Variants in BAZ1B observed in about 807,000 individuals in gnomAD.
BAZ1B encodes the protein bromodomain adjacent to zinc finger domain 1B, also known as tyrosine-protein kinase BAZ1B.
Under a neutral mutation model 153.8 loss-of-function variants are expected in BAZ1B, and 22 were observed. The observed-to-expected ratio is 0.14, with a 90% CI of 0.10 to 0.20. BAZ1B has a LOEUF of 0.20. Among genes scored for constraint, BAZ1B ranks in the 10% least tolerant of loss-of-function variants. The probability of loss-of-function intolerance (pLI) is 1.00; values close to 1 mark genes in which losing one functional copy is unlikely to be tolerated. For missense variants in BAZ1B, 1,325 were observed against 1,799.3 expected (o/e 0.74, Z 4.77); for synonymous variants, 676 against 633.4 (o/e 1.07, Z -1.01).
rs781876065 is a variant in BAZ1B at position 73,521,967 on chromosome 7, G to C, written c.-34C>G. 35 of 1,383,516 alleles carry C rather than the reference G, an allele frequency of 2.5e-5. No individual in the cohort carries two copies. The Admixed American group carries it at 7.7e-4, about 30-fold the overall frequency. 85.7% of individuals were successfully genotyped at this position (1,383,516 alleles called of 1,614,324 possible). On this transcript the variant is annotated 5_prime_UTR_variant, in exon 1 of 20. Transcript: ENST00000339594. Reference sequence around the variant, plus strand: ...CGGCGGTGGGGACTGGCGGCTGCTGGGGCCGGCCCCGCGGCGCAGCACTAG... The same window carrying C: ...CGGCGGTGGGGACTGGCGGCTGCTGCGGCCGGCCCCGCGGCGCAGCACTAG...
chr7:73,470,999 T>C (rs944074043), intron 7 of BAZ1B, among the ~76,000 whole-genome samples: 1 of 152,212 alleles, frequency 6.6e-6, no homozygotes, highest in Admixed American at 6.5e-5. Flanking sequence ...CCCCTCAAAG[T>C]GCTGGGATTA....
At chr7:73,452,926 C>G (rs533462670) in intron 13 of BAZ1B, among the ~76,000 whole-genome samples, 1 of 152,178 alleles carries the variant, frequency 6.6e-6, no homozygotes, top group South Asian at 2.1e-4. Flanking sequence ...TCAAACAAAA[C>G]CCAGGATTTT....
intron 13 of BAZ1B, among the ~76,000 whole-genome samples, chr7:73,452,729 A>G (rs1788064744): frequency 6.6e-6 from 1 of 151,790 alleles, no homozygotes; most frequent in Non-Finnish European, 1.5e-5. Flanking sequence ...CTCGAGAAAA[A>G]AAAAAAAAAA....
intron 1 of BAZ1B, among the ~76,000 whole-genome samples, chr7:73,521,294 C>T (rs529919927): frequency 1.9e-4 from 29 of 152,224 alleles, no homozygotes; most frequent in East Asian, 5.8e-4. Context: ...GGCCTAAAGT[C>T]CCCTCGGGAG....
intron 1 of BAZ1B, among the ~76,000 whole-genome samples, chr7:73,516,136 G>C (rs1316978920): frequency 1.3e-5 from 2 of 152,114 alleles, no homozygotes; most frequent in South Asian, 2.1e-4. Context: ...TACAGAGCGA[G>C]ACTCCACTCA....
chr7:73,466,512 C>T (rs1482853413), intron 9 of BAZ1B, 111 bp from the exon 10 acceptor site: 4 of 651,552 alleles, frequency 6.1e-6, no homozygotes, highest in Non-Finnish European at 1.1e-5. Flanking sequence ...ACAGATACTT[C>T]CTGTGAAATA....
chr7:73,447,467 T>C, intron 15 of BAZ1B, 88 bp from the exon 16 acceptor site: 1 of 1,441,252 alleles, frequency 6.9e-7, no homozygotes. Flanking sequence ...ATCAGGAAAC[T>C]TCTCTTCACA....
rs77135717 is a variant in BAZ1B at position 73,477,617 on chromosome 7, T to C, written c.1844A>G (p.Glu615Gly). The change falls in exon 7 of 20, where the codon GAA becomes GGA. Residue 615 changes from glutamate (E) to glycine (G), a missense_variant. By Grantham distance (98) the Glu-to-Gly change is moderately conservative. Transcript: ENST00000339594. This position sits in a 1 kb window ranked among gnomAD's most constrained non-coding sequence, Gnocchi z 5.6. Reference sequence around the variant, plus strand: ...TAGCCCAGAATAACAGCTCAAGAATTCCACCACCATGGCCACATCCCCAAA... The same window carrying C: ...TAGCCCAGAATAACAGCTCAAGAATCCCACCACCATGGCCACATCCCCAAA... ...TLFGDVAMVV[E>G]FLSCYSGLLL... 6.2e-7 allele frequency: 1 copy of C among 1,614,136 alleles called. No homozygotes were observed. The highest frequency in any genetic ancestry group is 8.5e-7 in the Non-Finnish European group (1 of 1,180,026).
chr7:73,504,149 T>C (rs1790240549), intron 3 of BAZ1B, among the ~76,000 whole-genome samples: 1 of 152,204 alleles, frequency 6.6e-6, no homozygotes, highest in African/African-American at 2.4e-5. Flanking sequence ...GCCCCTTTAT[T>C]AAACTCAATT....
At chr7:73,502,673 G>A (rs989245840) in intron 3 of BAZ1B, among the ~76,000 whole-genome samples, 5 of 152,144 alleles carry the variant, frequency 3.3e-5, no homozygotes, top group Admixed American at 2.6e-4. Flanking sequence ...AGCTACTTGG[G>A]AGATTGAGGT....
intron 6 of BAZ1B, among the ~76,000 whole-genome samples, chr7:73,483,064 C>T (rs1789262008): frequency 6.6e-6 from 1 of 152,192 alleles, no homozygotes; most frequent in Non-Finnish European, 1.5e-5. Flanking sequence ...GAAGAAAGGA[C>T]ACCTGGATTA....
intron 17 of BAZ1B, 81 bp from the exon 18 acceptor site, chr7:73,442,909 C>T: frequency 1.9e-6 from 2 of 1,047,206 alleles, no homozygotes; most frequent in Non-Finnish European, 2.8e-6. Flanking sequence ...AGTGTATCTG[C>T]TCAAAAAAGG....
At chr7:73,508,592 C>T (rs919663462) in intron 2 of BAZ1B, 121 bp from the exon 3 acceptor site, 1 of 1,211,762 alleles carries the variant, frequency 8.3e-7, no homozygotes, top group Non-Finnish European at 1.1e-6. Context: ...ATCGCTCTGT[C>T]ACCAAGGCTG....
At chr7:73,462,667 A>C in intron 12 of BAZ1B, 2 of 455,466 alleles carry the variant, frequency 4.4e-6, no homozygotes, top group Non-Finnish European at 4.0e-6. Context: ...ACCAGTTTTC[A>C]TTCACCTTAG....
At chr7:73,480,600 T>C (rs546581217) in intron 6 of BAZ1B, among the ~76,000 whole-genome samples, 2 of 152,324 alleles carry the variant, frequency 1.3e-5, no homozygotes, top group African/African-American at 4.8e-5. Flanking sequence ...TTGATTTTTA[T>C]TACCAAAATC....
chr7:73,448,424 G>C (rs1554567170), intron 15 of BAZ1B, among the ~76,000 whole-genome samples: 1 of 152,136 alleles, frequency 6.6e-6, no homozygotes, highest in Non-Finnish European at 1.5e-5. Flanking sequence ...ACAAGGCCCG[G>C]TATTTGGCCT....
chr7:73,453,742 T>C (rs983367339), intron 13 of BAZ1B, among the ~76,000 whole-genome samples: 1 of 152,212 alleles, frequency 6.6e-6, no homozygotes, highest in Non-Finnish European at 1.5e-5. Flanking sequence ...CCTAGCACTC[T>C]GGGAGGCCAA....
intron 12 of BAZ1B, among the ~76,000 whole-genome samples, chr7:73,460,439 C>T (rs1788357861): frequency 6.6e-6 from 1 of 151,954 alleles, no homozygotes; most frequent in African/African-American, 2.4e-5. Context: ...TAACTTGCTT[C>T]CAGCATGTAA....
At chr7:73,513,561 A>G (rs113262156) in intron 1 of BAZ1B, among the ~76,000 whole-genome samples, 14 of 152,304 alleles carry the variant, frequency 9.2e-5, no homozygotes, top group African/African-American at 3.4e-4. Context: ...TACCCAGAGA[A>G]GAGCAACGGA....
Sources: gnomAD v4.1 joint callset for allele counts (sites outside exome capture counted in the v4.1 genomes callset) on GRCh38, gnomAD v4.1.1 for gene constraint, Gnocchi (gnomAD v3.1) non-coding constraint, MANE v1.5 for transcripts, NCBI Gene and HGNC (gene_info 2026-07-23, HGNC 2026-07-21) for gene names.